The following HRC variants were observed in gnomAD, a reference collection of about 807,000 sequenced individuals.
HRC encodes histidine rich calcium binding protein.
Under a neutral mutation model 61.4 loss-of-function variants are expected in HRC, and 41 were observed. The observed-to-expected ratio is 0.67, with a 90% CI of 0.52 to 0.87. The LOEUF (loss-of-function observed/expected upper bound fraction) is 0.87. Among genes scored for constraint, HRC ranks in the 40% least tolerant of loss-of-function variants. The pLI is 0.00. For missense variants in HRC, 839 were observed against 885.8 expected, an observed-to-expected ratio of 0.95 and a Z score of 0.67; for synonymous variants, 308 against 326.6, an observed-to-expected ratio of 0.94 and a Z score of 0.62.
In HRC at chr19:49,153,216, G is replaced by C. The variant is rs1460266121; in HGVS notation, c.1902+45C>G. On this transcript the variant is annotated intron_variant, in intron 2 of 5. Transcript: ENST00000252825. The surrounding 1 kb of genome is among the most constrained non-coding windows in gnomAD (Gnocchi z 4.8). ...GCACCACCCCAGGGCCCCTGGGACAGATTCTGGGGACACCTTGGTGGGTGG... is the reference window on the plus strand; with the variant it reads ...GCACCACCCCAGGGCCCCTGGGACACATTCTGGGGACACCTTGGTGGGTGG... 1 of 1,502,730 alleles carries C rather than the reference G, an allele frequency of 6.7e-7. No homozygotes were observed. The highest frequency in any genetic ancestry group is 9.3e-7 in the Non-Finnish European group (1 of 1,080,162). 93.1% of individuals were successfully genotyped at this position (1,502,730 alleles called of 1,614,324 possible).
At chr19:49,151,914 C>T in intron 4 of HRC, 90 bp downstream of exon 4, 1 of 1,320,024 alleles carries the variant, frequency 7.6e-7, no homozygotes, top group South Asian at 1.2e-5. Flanking sequence ...GCCCCACCAG[C>T]CTACCGGGCC....
At position 49,153,597 on chromosome 19, in the gene HRC, T is replaced by G. The variant is rs748680437; in HGVS notation, c.1641A>C (p.Glu547Asp). The G allele has an allele frequency of 6.5e-7, 1 of 1,534,636 alleles. No homozygotes were observed. The highest frequency in any genetic ancestry group is 1.2e-5 in the South Asian group (1 of 86,754). The change falls in exon 1 of 6, where the codon GAA becomes GAC. Residue 547 changes from glutamate (E) to aspartate (D), a missense_variant. By Grantham distance (45) the Glu-to-Asp change is conservative. Coordinates refer to ENST00000252825, the MANE Select transcript of HRC (RefSeq NM_002152.3). The surrounding 1 kb of genome is among the most constrained non-coding windows in gnomAD (Gnocchi z 4.8). ...EEDKEEEEEE[E>D]DEERREERAE... The stretch of plus-strand genomic sequence containing the variant: ...CCCTCTCTTCCCTCCTCTCCTCGTC[T>G]TCTTCCTCCTCCTCCTCCTCCTTGT...
rs773370553 is a variant in HRC at position 49,154,208 on chromosome 19, T to C, written c.1030A>G (p.Arg344Gly). 6.2e-7 allele frequency: 1 copy of C among 1,613,876 alleles called. No individual in the cohort carries two copies. Among genetic ancestry groups the C allele is most frequent in the South Asian group, 1.1e-5 (1 of 91,064 alleles). The stretch of plus-strand genomic sequence containing the variant: ...TCCTCGTCTCTGTGGCCTTGGTGCC[T>C]GTGGTCAGGGACATGATGGTGGTGT... ...GEHHHHVPDH[R>G]HQGHRDEEED... The change falls in exon 1 of 6, where the codon AGG (arginine) becomes GGG (glycine). Residue 344 changes from arginine to glycine, a missense_variant. Coordinates refer to ENST00000252825, the MANE Select transcript of HRC (RefSeq NM_002152.3).
intron 2 of HRC, among the ~76,000 whole-genome samples, chr19:49,152,947 C>G (rs1248335400): frequency 6.6e-6 from 1 of 151,404 alleles, no homozygotes; most frequent in Non-Finnish European, 1.5e-5. Context: ...TCCACCCGCT[C>G]TCTGCCTATT....
chr19:49,153,335 C>CG lies in HRC; in HGVS notation c.1832-5dup, dbSNP rs745885568. On this transcript the variant is annotated splice_polypyrimidine_tract_variant and splice_region_variant and intron_variant, in intron 1 of 5. Transcript: ENST00000252825. The surrounding 1 kb of genome is among the most constrained non-coding windows in gnomAD (Gnocchi z 4.8). ...TACTCCTGAGCATCCTGTGGACCTG[C>CG]GGGGACAGGAGGGCAGCAGTGACCC... 6.2e-7 allele frequency: 1 copy of CG among 1,613,162 alleles called. No individual in the cohort carries two copies. Among genetic ancestry groups the CG allele is most frequent in the Non-Finnish European group, 8.5e-7 (1 of 1,179,210 alleles).
At chr19:49,152,242 G>T in intron 3 of HRC, 68 bp downstream of exon 3, 1 of 1,438,004 alleles carries the variant, frequency 7.0e-7, no homozygotes. Flanking sequence ...TTTAGGGCTG[G>T]GGGTCCTCAG....
At position 49,151,988 on chromosome 19, in the gene HRC, C is replaced by T. The variant is rs1397720145; in HGVS notation, c.2026+16G>A. 2 of 1,613,584 alleles carry T rather than the reference C, an allele frequency of 1.2e-6. No homozygotes were observed. Among genetic ancestry groups the T allele is most frequent in the South Asian group, 1.1e-5 (1 of 91,078 alleles). ...GCACCTTCCTCAGGTTTTTCCAGGG[C>T]CCCGCCCATGCTCACCTGGAGCGCA... On this transcript the variant is annotated intron_variant, in intron 4 of 5. Coordinates refer to ENST00000252825, the MANE Select transcript of HRC (RefSeq NM_002152.3).
In HRC at chr19:49,153,207, C is replaced by A. The variant is rs1600363714; in HGVS notation, c.1902+54G>T. ...CCTCCCACAGCACCACCCCAGGGCC[C>A]CTGGGACAGATTCTGGGGACACCTT... On this transcript the variant is annotated intron_variant, in intron 2 of 5. Transcript: ENST00000252825. This position sits in a 1 kb window ranked among gnomAD's most constrained non-coding sequence, Gnocchi z 4.8. 2.1e-6 allele frequency: 3 copies of A among 1,422,320 alleles called. No individual in the cohort carries two copies. In the East Asian group the frequency reaches 6.9e-5, roughly 33 times the overall value. 88.1% of individuals were successfully genotyped at this position (1,422,320 alleles called of 1,614,324 possible). A position where few individuals can be genotyped will look rare whatever the true frequency, so the allele number is the denominator to read the frequency against.
intron 4 of HRC, 45 bp from the exon 5 acceptor site, chr19:49,151,598 C>T (rs1568444316): frequency 1.3e-6 from 2 of 1,569,342 alleles, no homozygotes; most frequent in Admixed American, 3.4e-5. Context: ...ACTGCACGAG[C>T]AAAATTAGGC....
Position 49,154,374 on chromosome 19 carries a change from G to A in HRC, c.864C>T (p.His288=), listed in dbSNP as rs147944416. 11 of 1,612,148 alleles carry A rather than the reference G, an allele frequency of 6.8e-6. No homozygotes were observed. The highest frequency in any genetic ancestry group is 9.3e-6 in the Non-Finnish European group (11 of 1,179,608). ...GCCTGTGGCTGGGGTCGCGATGATG[G>A]TGTCCATCTGAGACATCTTCATCCT... The part of the protein sequence containing the change: ...IEEDEDVSDG[H]HHRDPSHRHR... The change falls in exon 1 of 6, where the codon CAC becomes CAT. Residue 288 remains histidine (H), a synonymous_variant. Coordinates refer to ENST00000252825, the MANE Select transcript of HRC (RefSeq NM_002152.3).
At position 49,152,317 on chromosome 19, in the gene HRC, T is replaced by G. The variant is rs776935991; in HGVS notation, c.1964A>C (p.Gln655Pro). The change falls in exon 3 of 6, where the codon CAG becomes CCG. Residue 655 changes from glutamine (Q) to proline (P), a missense_variant. Transcript: ENST00000252825. ...TGTGAGGTGAGGTCTCACCTGGCAC[T>G]GGTCGCAGTGCTCACCCATGTTCTC... ...DEENMGEHCDQCQHCQFCYLC... is the reference protein window; with the variant it reads ...DEENMGEHCDPCQHCQFCYLC... The G allele has an allele frequency of 6.2e-7, 1 of 1,613,294 alleles. No individual in the cohort carries two copies. The highest frequency in any genetic ancestry group is 8.5e-7 in the Non-Finnish European group (1 of 1,179,550).
rs760955052 is a variant in HRC at position 49,152,066 on chromosome 19, C to T, written c.1972-8G>A. 1 of 1,613,694 alleles carries T rather than the reference C, an allele frequency of 6.2e-7. No individual in the cohort carries two copies. Among genetic ancestry groups the T allele is most frequent in the Non-Finnish European group, 8.5e-7 (1 of 1,179,746 alleles). On this transcript the variant is annotated splice_polypyrimidine_tract_variant and splice_region_variant and intron_variant, in intron 3 of 5. Transcript: ENST00000252825. ...ATAGCAGAACTGACAGTGCTGGAGG[C>T]GGGGACGGGGAGAGAGAGTGAGCGT...
chr19:49,152,725 ACGC>A (rs1340471461), intron 2 of HRC, among the ~76,000 whole-genome samples: 1 of 151,208 alleles, frequency 6.6e-6, no homozygotes, highest in African/African-American at 2.5e-5. Flanking sequence ...GCGTGCCACC[ACGC>A]CCGGCTAATT....
Position 49,155,301 on chromosome 19 carries a change from T to A in HRC, c.-64A>T. On this transcript the variant is annotated 5_prime_UTR_variant, in exon 1 of 6. The change creates a new upstream start codon in the 5' untranslated region. Transcript: ENST00000252825. The surrounding 1 kb of genome is among the most constrained non-coding windows in gnomAD (Gnocchi z 4.7). Reference sequence around the variant, plus strand: ...GGCAATGTGGACAAACGTTGGGGTCTTTGTCCCTTTGGGGTTGGTCTCTTT... The same window carrying A: ...GGCAATGTGGACAAACGTTGGGGTCATTGTCCCTTTGGGGTTGGTCTCTTT... The A allele has an allele frequency of 6.6e-7, 1 of 1,505,632 alleles. No individual in the cohort carries two copies. The highest frequency in any genetic ancestry group is 2.3e-5 in the Admixed American group (1 of 42,582). The allele number at this position is 1,505,632 out of a possible 1,614,324, so 93.3% of individuals were successfully genotyped here. A position where few individuals can be genotyped will look rare whatever the true frequency, so the allele number is the denominator to read the frequency against.
intron 5 of HRC, 83 bp downstream of exon 5, chr19:49,151,434 G>A: frequency 6.3e-7 from 1 of 1,582,168 alleles, no homozygotes; most frequent in Non-Finnish European, 8.7e-7. Context: ...GGGAAATGGA[G>A]TCCCAGAGTC....
intron 3 of HRC, 95 bp downstream of exon 3, chr19:49,152,215 T>A: frequency 7.7e-7 from 1 of 1,299,322 alleles, no homozygotes; most frequent in South Asian, 1.2e-5. Flanking sequence ...GGTAAGGGGT[T>A]GGGTCAGAGG....
At chr19:49,151,802 C>T (rs929260768) in intron 4 of HRC, among the ~76,000 whole-genome samples, 1 of 152,194 alleles carries the variant, frequency 6.6e-6, no homozygotes, top group Non-Finnish European at 1.5e-5. Flanking sequence ...CAACCCTCCA[C>T]TCATTTCTGT....
intron 5 of HRC, 90 bp from the exon 6 acceptor site, chr19:49,151,422 C>G: frequency 6.3e-7 from 1 of 1,578,790 alleles, no homozygotes; most frequent in Non-Finnish European, 8.7e-7. Context: ...ATTTCATGGA[C>G]GGGGAAATGG....
At chr19:49,151,583 G>C (rs756201424) in intron 4 of HRC, 30 bp from the exon 5 acceptor site, 1 of 1,611,744 alleles carries the variant, frequency 6.2e-7, no homozygotes, top group Non-Finnish European at 8.5e-7. Context: ...AGAGGCTTGA[G>C]GGGTACTGCA....
Sources: gnomAD v4.1 joint callset for allele counts (sites outside exome capture counted in the v4.1 genomes callset) on GRCh38, gnomAD v4.1.1 for gene constraint, Gnocchi (gnomAD v3.1) non-coding constraint, MANE v1.5 for transcripts, NCBI Gene and HGNC (gene_info 2026-07-23, HGNC 2026-07-21) for gene names.